The following NAV3 variants were observed in gnomAD, a reference collection of about 807,000 sequenced individuals.
NAV3 encodes neuron navigator 3, also known as pore membrane and/or filament interacting like protein 1.
In NAV3, 87 loss-of-function variants were observed where a neutral mutation model predicts 244.7. The ratio of observed to expected loss-of-function variants is 0.36; its 90% CI spans 0.30 to 0.42. The LOEUF (loss-of-function observed/expected upper bound fraction) is 0.42. Among genes scored for constraint, NAV3 ranks in the 20% least tolerant of loss-of-function variants. NAV3 has a pLI of 1.00. For missense variants in NAV3, 2,663 were observed against 2,893.3 expected, an observed-to-expected ratio of 0.92 and a Z score of 1.83; for synonymous variants, 1,126 against 1,042.2, an observed-to-expected ratio of 1.08 and a Z score of -1.55.
intron 5 of NAV3, among the ~76,000 whole-genome samples, chr12:77,970,309 A>G (rs1317282204): frequency 1.3e-5 from 2 of 152,192 alleles, no homozygotes; most frequent in Non-Finnish European, 2.9e-5. Flanking sequence ...AATGACTCAA[A>G]CAATTAAAAT....
At chr12:77,730,820 T>A (rs1877092552) in intron 2 of NAV3, among the ~76,000 whole-genome samples, 1 of 151,572 alleles carries the variant, frequency 6.6e-6, no homozygotes, top group African/African-American at 2.4e-5. Context: ...ATGACATTTT[T>A]AAATACTTGG....
intron 2 of NAV3, among the ~76,000 whole-genome samples, chr12:77,706,945 T>A (rs1216745647): frequency 1.4e-5 from 2 of 143,826 alleles, no homozygotes; most frequent in Non-Finnish European, 3.0e-5. Context: ...CATACTGATA[T>A]TAAACAAGTC....
intron 2 of NAV3, among the ~76,000 whole-genome samples, chr12:77,592,171 G>A (rs955473081): frequency 6.6e-6 from 1 of 152,154 alleles, no homozygotes; most frequent in African/African-American, 2.4e-5. Context: ...CTGTCATTAG[G>A]AAGCTTAGTG....
chr12:77,979,008 T>C (rs1436916034), intron 5 of NAV3, among the ~76,000 whole-genome samples: 2 of 151,850 alleles, frequency 1.3e-5, no homozygotes, highest in East Asian at 1.9e-4. Context: ...TCAGTAATTT[T>C]TCAAATTACT....
chr12:77,739,083 A>C (rs1868280234), intron 2 of NAV3, among the ~76,000 whole-genome samples: 1 of 149,782 alleles, frequency 6.7e-6, no homozygotes, highest in African/African-American at 2.4e-5. Flanking sequence ...TCCTGGCTCT[A>C]GCCCTAACTA....
rs941516766 is a variant in NAV3 at position 78,099,010 on chromosome 12, G to A, written c.2637-17762G>A. Among the ~76,000 whole-genome samples, 5 of 150,242 alleles carry A rather than the reference G, an allele frequency of 3.3e-5. No individual in the cohort carries two copies. The East Asian group carries it at 7.8e-4, about 23-fold the overall frequency. ...TCATATGGGTGGCAGGAATTGAAGT[G>A]ATGTTGTTTCTTCAGTTATTAAGTT... is the stretch of plus-strand genomic sequence containing the variant. On this transcript the variant is annotated intron_variant, in intron 12 of 39. Coordinates refer to ENST00000397909, the MANE Select transcript of NAV3 (RefSeq NM_001024383.2).
At chr12:77,967,130 A>G (rs1041298060) in intron 4 of NAV3, among the ~76,000 whole-genome samples, 3 of 152,078 alleles carry the variant, frequency 2.0e-5, no homozygotes, top group Non-Finnish European at 2.9e-5. Context: ...CCAGGATAAT[A>G]TGTTGCTAAG....
At chr12:78,198,946 G>T (rs898356224) in intron 36 of NAV3, 15 of 422,506 alleles carry the variant, frequency 3.6e-5, no homozygotes, top group African/African-American at 3.1e-4. Flanking sequence ...AAAGAAAAAA[G>T]AAAAGTAAAG....
chr12:77,912,620 G>T (rs565496500), intron 1 of NAV3, among the ~76,000 whole-genome samples: 7 of 150,258 alleles, frequency 4.7e-5, no homozygotes, highest in African/African-American at 1.7e-4. Flanking sequence ...TTTTGTGGGG[G>T]TTTTTTGTTT....
chr12:77,693,152 T>C (rs1241771031), intron 2 of NAV3, among the ~76,000 whole-genome samples: 1 of 152,142 alleles, frequency 6.6e-6, no homozygotes, highest in Non-Finnish European at 1.5e-5. Context: ...TCTGCATGAC[T>C]ATCTAAGAAA....
Position 77,612,932 on chromosome 12 carries a change from T to G in NAV3, c.72+40666T>G, listed in dbSNP as rs545881003. Among the ~76,000 whole-genome samples, 3 of 152,156 alleles carry G rather than the reference T, an allele frequency of 2.0e-5. No homozygotes were observed. In the South Asian group the frequency reaches 6.2e-4, roughly 32 times the overall value. On this transcript the variant is annotated intron_variant, in intron 2 of 8. Coordinates refer to the NAV3 transcript ENST00000550042. ...GAGATCTGATGGTTTTATAAGGGGC[T>G]TTTCCCCCTTTTGCTCAGCACTTCC...
At chr12:77,766,366 C>T (rs183848124) in intron 2 of NAV3, among the ~76,000 whole-genome samples, 189 of 152,336 alleles carry the variant, frequency 1.2e-3, no homozygotes, top group Middle Eastern at 3.4e-3. Context: ...TTTGGTACAA[C>T]TCTAAGTCAC....
chr12:77,592,932 A>G (rs906407648), intron 2 of NAV3, among the ~76,000 whole-genome samples: 20 of 152,340 alleles, frequency 1.3e-4, no homozygotes, highest in African/African-American at 4.8e-4. Flanking sequence ...AATTCTACAA[A>G]TATCTTTTCT....
intron 8 of NAV3, among the ~76,000 whole-genome samples, chr12:78,013,805 G>C (rs779227365): frequency 6.6e-6 from 1 of 152,044 alleles, no homozygotes; most frequent in Non-Finnish European, 1.5e-5. Context: ...TCTTAGGTTT[G>C]TTAAATCTCG....
At chr12:77,787,582 T>C (rs1330009009) in intron 2 of NAV3, among the ~76,000 whole-genome samples, 1 of 152,154 alleles carries the variant, frequency 6.6e-6, no homozygotes, top group African/African-American at 2.4e-5. Flanking sequence ...GAACTCACTA[T>C]TAAGAGAACT....
chr12:78,103,965 A>G (rs1246287023), intron 12 of NAV3, among the ~76,000 whole-genome samples: 1 of 152,244 alleles, frequency 6.6e-6, no homozygotes, highest in East Asian at 1.9e-4. Flanking sequence ...AAAAAAATAC[A>G]TCATTAAAAG....
chr12:77,802,266 T>C (rs919962047), intron 2 of NAV3, among the ~76,000 whole-genome samples: 1 of 152,220 alleles, frequency 6.6e-6, no homozygotes, highest in Non-Finnish European at 1.5e-5. Context: ...CAACTTAGCT[T>C]AGATGTTCAG....
At chr12:77,759,028 G>T (rs1441292213) in intron 2 of NAV3, among the ~76,000 whole-genome samples, 1 of 152,120 alleles carries the variant, frequency 6.6e-6, no homozygotes, top group African/African-American at 2.4e-5. Context: ...GCCCCATTCT[G>T]AGTGCTCAGT....
At chr12:77,941,213 T>A (rs1269009725) in intron 3 of NAV3, 80 bp downstream of exon 3, 1 of 908,304 alleles carries the variant, frequency 1.1e-6, no homozygotes, top group African/African-American at 1.7e-5. Context: ...GGATATTATT[T>A]TTTTTCTGCA....
Sources: gnomAD v4.1 joint callset for allele counts (sites outside exome capture counted in the v4.1 genomes callset) on GRCh38, gnomAD v4.1.1 for gene constraint, MANE v1.5 for transcripts, NCBI Gene and HGNC (gene_info 2026-07-23, HGNC 2026-07-21) for gene names.